The following CSMD1 variants were observed in gnomAD, a reference collection of about 807,000 sequenced individuals.
The protein encoded by CSMD1 is CUB and sushi domain-containing protein 1.
Under a neutral mutation model 417.5 loss-of-function variants are expected in CSMD1, and 213 were observed. That is an observed-to-expected ratio of 0.51 (90% CI 0.46 to 0.57). The LOEUF is 0.57. CSMD1 is among the 20% of genes least tolerant of loss of function. The probability of loss-of-function intolerance (pLI) is 0.00; values close to 1 mark genes in which losing one functional copy is unlikely to be tolerated. For missense variants in CSMD1, 6,923 were observed against 4,529.7 expected (o/e 1.53, Z -15.17); for synonymous variants, 2,862 against 1,736.8 (o/e 1.65, Z -16.11).
At chr8:3,979,089 A>T (rs1813657108) in intron 5 of CSMD1, among the ~76,000 whole-genome samples, 1 of 152,252 alleles carries the variant, frequency 6.6e-6, no homozygotes, top group Non-Finnish European at 1.5e-5. Flanking sequence ...ACCTTTGAAC[A>T]GTAGCCAGTG....
intron 1 of CSMD1, among the ~76,000 whole-genome samples, chr8:4,874,388 ATTT>A (rs3038302): frequency 7.5e-6 from 1 of 133,514 alleles, no homozygotes; most frequent in Admixed American, 8.1e-5. Flanking sequence ...ATCCGATTGT[ATTT>A]TTTTTTTTTT....
At chr8:3,381,600 C>A (rs1464473943) in intron 18 of CSMD1, among the ~76,000 whole-genome samples, 1 of 152,082 alleles carries the variant, frequency 6.6e-6, no homozygotes, top group African/African-American at 2.4e-5. Context: ...GTCTATATGA[C>A]ATCCTTGAGT....
chr8:4,468,638 C>CAT (rs1457155937), intron 2 of CSMD1, among the ~76,000 whole-genome samples: 2 of 152,100 alleles, frequency 1.3e-5, no homozygotes, highest in Non-Finnish European at 2.9e-5. Flanking sequence ...TAAAATGGTC[C>CAT]ATATCCTACT....
intron 3 of CSMD1, among the ~76,000 whole-genome samples, chr8:4,085,538 A>G (rs1481410842): frequency 6.6e-6 from 1 of 152,152 alleles, no homozygotes; most frequent in Non-Finnish European, 1.5e-5. Flanking sequence ...GTTCTTTGTA[A>G]CCCTAATAAG....
At chr8:4,018,851 G>A (rs906999568) in intron 4 of CSMD1, among the ~76,000 whole-genome samples, 2 of 152,132 alleles carry the variant, frequency 1.3e-5, no homozygotes, top group Non-Finnish European at 2.9e-5. Flanking sequence ...GAATTCCTCT[G>A]TGATGGAGTC....
At chr8:3,905,494 G>T (rs1050958475) in intron 5 of CSMD1, among the ~76,000 whole-genome samples, 1 of 152,192 alleles carries the variant, frequency 6.6e-6, no homozygotes, top group Non-Finnish European at 1.5e-5. Flanking sequence ...ACGTGTGAAA[G>T]ATCTCTGTGC....
chr8:3,388,647 G>T (rs1170894014), intron 17 of CSMD1, among the ~76,000 whole-genome samples: 2 of 152,108 alleles, frequency 1.3e-5, no homozygotes, highest in Non-Finnish European at 2.9e-5. Context: ...TATAACTTGG[G>T]CCTGGCCCCA....
chr8:4,316,595 T>G (rs905710803), intron 3 of CSMD1, among the ~76,000 whole-genome samples: 2 of 152,066 alleles, frequency 1.3e-5, no homozygotes, highest in Admixed American at 1.3e-4. Flanking sequence ...TCCTAAGACT[T>G]GGTGTAGACA....
intron 5 of CSMD1, among the ~76,000 whole-genome samples, chr8:3,886,770 G>A (rs554279621): frequency 6.6e-6 from 1 of 152,252 alleles, no homozygotes; most frequent in South Asian, 2.1e-4. Context: ...CACAGACTTA[G>A]GGACAGATAT....
At chr8:3,752,806 C>T (rs1473140897) in intron 6 of CSMD1, among the ~76,000 whole-genome samples, 1 of 152,006 alleles carries the variant, frequency 6.6e-6, no homozygotes, top group African/African-American at 2.4e-5. Context: ...CTGCTGGTTC[C>T]GATGTGTACT....
intron 46 of CSMD1, among the ~76,000 whole-genome samples, chr8:3,097,602 G>T (rs1815407495): frequency 6.6e-6 from 1 of 152,108 alleles, no homozygotes; most frequent in African/African-American, 2.4e-5. Context: ...CATGTCCTGG[G>T]TGAGACATAG....
Position 3,029,383 on chromosome 8 carries a change from C to A in CSMD1, c.7791G>T (p.Trp2597Cys). 6.2e-7 allele frequency: 1 copy of A among 1,611,724 alleles called. No individual in the cohort carries two copies. Among genetic ancestry groups the A allele is most frequent in the Non-Finnish European group, 8.5e-7 (1 of 1,179,490 alleles). ...CATTGGCCTGGCACCGCAGGAGCCT[C>A]CAGCCTTCTAAGTAGTAACCAGGAC... is the stretch of plus-strand genomic sequence containing the variant. ...SCSPGYYLEG[W>C]RLLRCQANGT... Residue 2597 changes from tryptophan to cysteine, a missense_variant, in exon 51 of 70, where the codon TGG becomes TGT. Trp to Cys is a radical substitution (Grantham distance 215). Transcript: ENST00000635120.
At chr8:4,000,994 A>C (rs756303762) in intron 4 of CSMD1, among the ~76,000 whole-genome samples, 2 of 152,056 alleles carry the variant, frequency 1.3e-5, no homozygotes, top group Non-Finnish European at 2.9e-5. Flanking sequence ...TACATTCTTC[A>C]TAATTCACCT....
chr8:4,265,947 G>A (rs187798971), intron 3 of CSMD1, among the ~76,000 whole-genome samples: 1,597 of 103,484 alleles, frequency 0.015, 507 homozygotes, highest in Middle Eastern at 0.045. Flanking sequence ...CAGGAGACGG[G>A]GAACCATGGC....
chr8:3,491,653 T>A (rs189359666), intron 11 of CSMD1, among the ~76,000 whole-genome samples: 112 of 152,280 alleles, frequency 7.4e-4, no homozygotes, highest in African/African-American at 2.6e-3. Context: ...GTCCATCGAT[T>A]TTTAAGGGAA....
At chr8:3,529,879 A>C (rs532344230) in intron 10 of CSMD1, among the ~76,000 whole-genome samples, 32 of 152,216 alleles carry the variant, frequency 2.1e-4, no homozygotes, top group African/African-American at 7.7e-4. Flanking sequence ...AGAGAGAAGC[A>C]GGGCAAGCTG....
chr8:3,118,353 T>TA, intron 42 of CSMD1, 46 bp downstream of exon 42: 1 of 1,297,990 alleles, frequency 7.7e-7, no homozygotes, highest in Non-Finnish European at 1.1e-6. Flanking sequence ...TGTGCTATTA[T>TA]GCCCATGAAA....
chr8:3,183,901 A>T (rs1821589670), intron 36 of CSMD1, among the ~76,000 whole-genome samples: 2 of 152,244 alleles, frequency 1.3e-5, no homozygotes, highest in South Asian at 4.1e-4. Flanking sequence ...AACCAGAATT[A>T]GTGCAATAAT....
chr8:3,842,009 G>C (rs910868165), intron 5 of CSMD1, among the ~76,000 whole-genome samples: 1 of 152,100 alleles, frequency 6.6e-6, no homozygotes, highest in African/African-American at 2.4e-5. Context: ...TTTGTATATC[G>C]AGTTAAAAGC....
Sources: gnomAD v4.1 joint callset for allele counts (sites outside exome capture counted in the v4.1 genomes callset) on GRCh38, gnomAD v4.1.1 for gene constraint, MANE v1.5 for transcripts, NCBI Gene and HGNC (gene_info 2026-07-23, HGNC 2026-07-21) for gene names.